The following ZFAND3 variants were observed in gnomAD, a reference collection of about 807,000 sequenced individuals.
ZFAND3 encodes the protein zinc finger AN1-type containing 3.
Under a neutral mutation model 29.6 loss-of-function variants are expected in ZFAND3, and 10 were observed. The observed-to-expected ratio is 0.34, with a 90% CI of 0.21 to 0.57. The LOEUF is 0.57. ZFAND3 is among the 20% of genes least tolerant of loss of function. ZFAND3 has a pLI of 0.86. For synonymous variants in ZFAND3, 128 were observed against 112.6 expected (o/e 1.14, Z -0.87); for missense variants, 230 against 304.5 (o/e 0.76, Z 1.82).
intron 2 of ZFAND3, among the ~76,000 whole-genome samples, chr6:38,047,925 C>A (rs148802387): frequency 1.3e-5 from 2 of 150,444 alleles, no homozygotes; most frequent in Admixed American, 1.3e-4. Flanking sequence ...TAATAAGAAC[C>A]GTAGGTTAAG....
chr6:37,865,965 A>G (rs377282218), intron 1 of ZFAND3, among the ~76,000 whole-genome samples: 15 of 152,278 alleles, frequency 9.9e-5, no homozygotes, highest in Middle Eastern at 3.4e-3. Flanking sequence ...CCCTAATGCC[A>G]TATCTCTGGT....
At chr6:37,893,056 C>G (rs1328216031) in intron 1 of ZFAND3, among the ~76,000 whole-genome samples, 1 of 152,138 alleles carries the variant, frequency 6.6e-6, no homozygotes, top group Non-Finnish European at 1.5e-5. Flanking sequence ...CACACACACA[C>G]GCATGCACAC....
At chr6:37,956,396 T>C (rs1762086896) in intron 2 of ZFAND3, among the ~76,000 whole-genome samples, 1 of 151,924 alleles carries the variant, frequency 6.6e-6, no homozygotes, top group African/African-American at 2.4e-5. Context: ...TGGAAGTAAA[T>C]AGAACACAAA....
chr6:37,869,513 ATT>A (rs543408260), intron 1 of ZFAND3, among the ~76,000 whole-genome samples: 23 of 141,236 alleles, frequency 1.6e-4, no homozygotes, highest in Admixed American at 1.4e-4. Flanking sequence ...AAGTTTGTTA[ATT>A]TTTTTTTTTT....
chr6:37,888,499 A>T (rs188138704), intron 1 of ZFAND3, among the ~76,000 whole-genome samples: 97 of 152,242 alleles, frequency 6.4e-4, no homozygotes, highest in Admixed American at 1.3e-3. Flanking sequence ...TTTGGATTGT[A>T]TGTGCAATCC....
intron 1 of ZFAND3, among the ~76,000 whole-genome samples, chr6:37,910,321 C>G (rs1188580541): frequency 1.3e-5 from 2 of 151,284 alleles, no homozygotes; most frequent in East Asian, 3.8e-4. Context: ...CTCATTTAAT[C>G]CTGTTGGTAA....
At chr6:37,909,288 T>C (rs927210430) in intron 1 of ZFAND3, among the ~76,000 whole-genome samples, 8 of 151,402 alleles carry the variant, frequency 5.3e-5, no homozygotes, top group African/African-American at 9.7e-5. Flanking sequence ...TTTTTTTTTT[T>C]TTCTTTTTTG....
intron 2 of ZFAND3, among the ~76,000 whole-genome samples, chr6:37,974,532 G>A (rs1400316242): frequency 1.3e-5 from 2 of 151,366 alleles, no homozygotes; most frequent in Non-Finnish European, 2.9e-5. Flanking sequence ...AGCCTCCTGA[G>A]TACCTGGAGC....
chr6:37,899,891 GCTTAACCATTATA>G (rs1765287790), intron 1 of ZFAND3, among the ~76,000 whole-genome samples: 1 of 152,130 alleles, frequency 6.6e-6, no homozygotes, highest in Non-Finnish European at 1.5e-5. Context: ...TTTGTACTGT[GCTTAACCATTATA>G]CATTTAAACA....
chr6:37,941,632 T>G (rs1278141196), intron 2 of ZFAND3, among the ~76,000 whole-genome samples: 1 of 152,214 alleles, frequency 6.6e-6, no homozygotes, highest in Admixed American at 6.5e-5. Context: ...CTCCTGTGTT[T>G]AGCTTCTCAG....
intron 2 of ZFAND3, among the ~76,000 whole-genome samples, chr6:37,993,210 T>C (rs1171404720): frequency 5.3e-5 from 8 of 152,214 alleles, no homozygotes; most frequent in African/African-American, 1.7e-4. Context: ...TTTAATAGCC[T>C]ATGTCACATT....
intron 1 of ZFAND3, among the ~76,000 whole-genome samples, chr6:37,872,182 G>A (rs1292998957): frequency 1.5e-4 from 23 of 152,150 alleles, no homozygotes; most frequent in Admixed American, 1.4e-3. Context: ...CGTGGCTTAC[G>A]TAGGCCTTCC....
chr6:38,041,033 G>A (rs1314867972), intron 2 of ZFAND3, among the ~76,000 whole-genome samples: 1 of 152,134 alleles, frequency 6.6e-6, no homozygotes, highest in African/African-American at 2.4e-5. Flanking sequence ...CACCTTTAGT[G>A]TGTGACAGTC....
At chr6:37,981,145 C>T (rs1419093140) in intron 2 of ZFAND3, among the ~76,000 whole-genome samples, 3 of 152,168 alleles carry the variant, frequency 2.0e-5, no homozygotes, top group African/African-American at 7.2e-5. Flanking sequence ...GTAGTTCCAG[C>T]CTAGAGGCTG....
At position 38,153,327 on chromosome 6, in the gene ZFAND3, G is replaced by T. The variant is rs1766274579; in HGVS notation, c.*938G>T. 2.7e-5 allele frequency: 27 copies of T among 985,494 alleles called. No homozygotes were observed. The highest frequency in any genetic ancestry group is 3.1e-5 in the Non-Finnish European group (26 of 829,942). The allele number at this position is 985,494 out of a possible 1,614,324, so 61.0% of individuals were successfully genotyped here. A position where few individuals can be genotyped will look rare whatever the true frequency, so the allele number is the denominator to read the frequency against. On this transcript the variant is annotated 3_prime_UTR_variant, in exon 6 of 6. Transcript: ENST00000287218. ...AGTAGAAGTGCTGGGAGCAGCAGCT[G>T]GGGAAGCTGCCGCCCACGGGCTCTG...
chr6:37,873,550 T>TA (rs35575328), intron 1 of ZFAND3, among the ~76,000 whole-genome samples: 32,608 of 152,166 alleles, frequency 0.21, 4,309 homozygotes, highest in African/African-American at 0.36. Context: ...TTGCTGACAG[T>TA]AGTGGACTTA....
chr6:37,979,733 A>G (rs979712870), intron 2 of ZFAND3, among the ~76,000 whole-genome samples: 1 of 152,096 alleles, frequency 6.6e-6, no homozygotes, highest in Non-Finnish European at 1.5e-5. Flanking sequence ...GCATGTGCTG[A>G]CCTGTACTTG....
At chr6:37,929,926 CTTCT>C (rs754565720) in intron 1 of ZFAND3, 29 bp from the exon 2 acceptor site, 16 of 1,571,640 alleles carry the variant, frequency 1.0e-5, no homozygotes, top group African/African-American at 4.1e-5. Flanking sequence ...GTTTTTAGCT[CTTCT>C]TTCTTTCTTT....
chr6:37,863,039 G>A (rs1346401599), intron 1 of ZFAND3, among the ~76,000 whole-genome samples: 9 of 152,080 alleles, frequency 5.9e-5, no homozygotes, highest in African/African-American at 1.9e-4. Flanking sequence ...TCGAGTAATG[G>A]CAACACTATT....
Sources: allele counts gnomAD v4.1 joint callset (sites outside exome capture counted in the v4.1 genomes callset), GRCh38; gene constraint gnomAD v4.1.1; transcripts MANE v1.5; gene names NCBI Gene and HGNC (gene_info 2026-07-23, HGNC 2026-07-21).